The following ZNF410 variants were observed in gnomAD, a reference collection of about 807,000 sequenced individuals.
The protein encoded by ZNF410 is another partner for ARF 1.
A neutral mutation model predicts 54.8 loss-of-function variants in ZNF410; 18 were observed. The ratio of observed to expected loss-of-function variants is 0.33; its 90% CI spans 0.23 to 0.49. The LOEUF (loss-of-function observed/expected upper bound fraction) is 0.49. Among genes scored for constraint, ZNF410 ranks in the 20% least tolerant of loss-of-function variants. The probability of loss-of-function intolerance (pLI) is 0.99; values close to 1 mark genes in which losing one functional copy is unlikely to be tolerated. For missense variants in ZNF410, 405 were observed against 569.6 expected (o/e 0.71, Z 2.94); for synonymous variants, 191 against 207.3 (o/e 0.92, Z 0.68).
intron 6 of ZNF410, 117 bp from the exon 7 acceptor site, chr14:73,904,785 C>T: frequency 8.7e-7 from 1 of 1,147,120 alleles, no homozygotes; most frequent in Non-Finnish European, 1.2e-6. Flanking sequence ...TCAGTTGATT[C>T]TGATATATCC....
intron 8 of ZNF410, among the ~76,000 whole-genome samples, chr14:73,912,387 G>A (rs1431588403): frequency 6.6e-6 from 1 of 151,860 alleles, no homozygotes; most frequent in East Asian, 1.9e-4. Flanking sequence ...GGCTGGTCTT[G>A]AACTCCTGAC....
intron 5 of ZNF410, among the ~76,000 whole-genome samples, chr14:73,898,690 C>T (rs1419618323): frequency 1.3e-5 from 2 of 152,162 alleles, no homozygotes; most frequent in East Asian, 3.8e-4. Flanking sequence ...AACATTAAGT[C>T]ATTGTGGCAG....
chr14:73,922,119 A>T lies in ZNF410; in HGVS notation c.1183A>T (p.Asn395Tyr). The T allele has an allele frequency of 1.2e-6, 2 of 1,614,090 alleles. No homozygotes were observed. Among genetic ancestry groups the T allele is most frequent in the Non-Finnish European group, 1.7e-6 (2 of 1,180,014 alleles). ...LLEEASVPSK[N>Y]LVSMNSQPSL... ...TGAAGAGGCTTCAGTACCCAGTAAA[A>T]ACCTGGTGTCTATGAATTCCCAGCC... Residue 395 changes from asparagine to tyrosine, a missense_variant, in exon 10 of 12, where the codon AAC (asparagine) becomes TAC (tyrosine). This residue lies in a region of ZNF410 where 127 missense variants were observed against 141.3 expected (regional missense o/e 0.90). Transcript: ENST00000555044.
Position 73,920,970 on chromosome 14 carries a change from C to G in ZNF410, c.1004-10C>G. On this transcript the variant is annotated splice_polypyrimidine_tract_variant and intron_variant, in intron 8 of 11. Coordinates refer to ENST00000555044, the MANE Select transcript of ZNF410 (RefSeq NM_021188.3). ...TTTGGCTTCCTTGTTTAACCTGGTC[C>G]CTGTTTCAGGAGAGAAGCCTCATCA... 1.2e-6 allele frequency: 2 copies of G among 1,613,592 alleles called. No individual in the cohort carries two copies. Among genetic ancestry groups the G allele is most frequent in the Non-Finnish European group, 1.7e-6 (2 of 1,179,768 alleles).
rs762267936 is a variant in ZNF410, at chr14:73,904,885, T to C, written c.732-17T>C. 10 of 1,611,168 alleles carry C rather than the reference T, an allele frequency of 6.2e-6. No individual in the cohort carries two copies. The highest frequency in any genetic ancestry group is 1.7e-5 in the Admixed American group (1 of 59,348). ...GAGTGTTTTCAGATATTTTTCCTTA[T>C]GTGATTATTTTTGCAGAAATGACCG... On this transcript the variant is annotated splice_polypyrimidine_tract_variant and intron_variant, in intron 6 of 11. Transcript: ENST00000555044.
intron 9 of ZNF410, among the ~76,000 whole-genome samples, 160 bp from the exon 10 acceptor site, chr14:73,921,905 GT>G (rs141441517): frequency 0.014 from 2,066 of 152,224 alleles, 45 homozygotes; most frequent in African/African-American, 0.047. Context: ...TCCCTTCTAG[GT>G]TTATTCTTGT....
chr14:73,914,346 G>A (rs71429026), intron 8 of ZNF410: 17,192 of 152,286 alleles, frequency 0.11, 1,270 homozygotes, highest in Admixed American at 0.19. Flanking sequence ...GCTAATTTTT[G>A]TATTTTTGGT....
intron 8 of ZNF410, among the ~76,000 whole-genome samples, chr14:73,918,513 T>C (rs1315968861): frequency 1.3e-5 from 2 of 151,928 alleles, no homozygotes; most frequent in Non-Finnish European, 2.9e-5. Context: ...ACTGTCCGAC[T>C]CCACAACATT....
At chr14:73,902,328 C>T (rs532339544) in intron 5 of ZNF410, 1 of 152,202 alleles carries the variant, frequency 6.6e-6, no homozygotes, top group Non-Finnish European at 1.5e-5. Flanking sequence ...CCACCTCGGC[C>T]TCCCAAAGTG....
At chr14:73,896,708 A>G (rs2055322969) in intron 4 of ZNF410, 174 bp downstream of exon 4, 1 of 606,812 alleles carries the variant, frequency 1.6e-6, no homozygotes, top group Non-Finnish European at 2.9e-6. Context: ...GGACTCTAGT[A>G]TGACTCATAT....
intron 11 of ZNF410, chr14:73,927,960 C>G (rs1192770095): frequency 5.8e-6 from 1 of 172,292 alleles, no homozygotes; most frequent in Non-Finnish European, 1.3e-5. Flanking sequence ...GTCTCAGACT[C>G]CTGAGTAGCT....
rs1358811335 is a variant in ZNF410 at position 73,896,555 on chromosome 14, G to A, written c.388+21G>A. 6.8e-6 allele frequency: 11 copies of A among 1,607,244 alleles called. No homozygotes were observed. In the Admixed American group the frequency reaches 1.0e-4, roughly 15 times the overall value. ...AGCAGGTATTCTTTCCTTTTTTTTG[G>A]GCTCTGCTTATGCCTAAGAAAAAAA... On this transcript the variant is annotated intron_variant, in intron 4 of 11. Coordinates refer to ENST00000555044, the MANE Select transcript of ZNF410 (RefSeq NM_021188.3).
At chr14:73,927,501 G>A (rs1240549959) in intron 11 of ZNF410, among the ~76,000 whole-genome samples, 1 of 152,164 alleles carries the variant, frequency 6.6e-6, no homozygotes, top group Non-Finnish European at 1.5e-5. Flanking sequence ...ATTCGAGCAA[G>A]CCAACCCACA....
chr14:73,919,660 T>C (rs1295939454), intron 8 of ZNF410, among the ~76,000 whole-genome samples: 1 of 152,226 alleles, frequency 6.6e-6, no homozygotes, highest in Non-Finnish European at 1.5e-5. Flanking sequence ...GGTGTGTATG[T>C]GCCACATTTT....
At chr14:73,898,635 A>G (rs2055359639) in intron 5 of ZNF410, 1 of 295,542 alleles carries the variant, frequency 3.4e-6, no homozygotes, top group African/African-American at 2.2e-5. Context: ...AACAGTTTTT[A>G]TCAGTTAATA....
intron 8 of ZNF410, among the ~76,000 whole-genome samples, chr14:73,917,689 G>A (rs1293285778): frequency 2.0e-5 from 3 of 152,050 alleles, no homozygotes; most frequent in Non-Finnish European, 4.4e-5. Flanking sequence ...TGGGTGTGGT[G>A]GCATGTGCCT....
intron 5 of ZNF410, among the ~76,000 whole-genome samples, chr14:73,902,739 G>A (rs1403368187): frequency 1.3e-5 from 2 of 152,122 alleles, no homozygotes; most frequent in Non-Finnish European, 2.9e-5. Flanking sequence ...TGATGTTCAA[G>A]TATTTCTTGA....
intron 9 of ZNF410, 98 bp from the exon 10 acceptor site, chr14:73,921,968 C>T: frequency 6.9e-7 from 1 of 1,458,352 alleles, no homozygotes; most frequent in South Asian, 1.3e-5. Context: ...AGGTTAACTT[C>T]TAGTAATGAA....
rs754362748 is a variant in ZNF410 at position 73,932,513 on chromosome 14, A to ATT, written c.*976_*977dup. The ATT allele has an allele frequency of 3.4e-4, 150 of 445,248 alleles. No homozygotes were observed. Among genetic ancestry groups the ATT allele is most frequent in the Non-Finnish European group, 4.7e-4 (105 of 224,006 alleles). The allele number at this position is 445,248 out of a possible 1,614,324, so 27.6% of individuals were successfully genotyped here. A position where few individuals can be genotyped will look rare whatever the true frequency, so the allele number is the denominator to read the frequency against. On this transcript the variant is annotated 3_prime_UTR_variant, in exon 12 of 12. Transcript: ENST00000555044. ...TGGCAATAAAAACAGATACTTCTGA[A>ATT]TTTTTCCACAAAGATAGTTTTTTTA...
Sources: allele counts gnomAD v4.1 joint callset (sites outside exome capture counted in the v4.1 genomes callset), GRCh38; gene constraint gnomAD v4.1.1; regional missense constraint gnomAD v4.1.1; transcripts MANE v1.5; gene names NCBI Gene and HGNC (gene_info 2026-07-23, HGNC 2026-07-21).